The following CEP83 variants were observed in gnomAD, a reference collection of about 807,000 sequenced individuals.
CEP83 encodes the protein centrosomal protein 83.
Under a neutral mutation model 101.9 loss-of-function variants are expected in CEP83, and 70 were observed. The ratio of observed to expected loss-of-function variants is 0.69; its 90% CI spans 0.57 to 0.84. The LOEUF (loss-of-function observed/expected upper bound fraction) is 0.84. Ranked by LOEUF, CEP83 falls within the 40% of genes least tolerant of loss-of-function variation. The probability of loss-of-function intolerance (pLI) is 0.00; values close to 1 mark genes in which losing one functional copy is unlikely to be tolerated. For missense variants in CEP83, 715 were observed against 787.2 expected, an observed-to-expected ratio of 0.91 and a Z score of 1.10; for synonymous variants, 264 against 267.9, an observed-to-expected ratio of 0.99 and a Z score of 0.14.
intron 1 of CEP83, among the ~76,000 whole-genome samples, chr12:94,448,062 A>C (rs1408326797): frequency 6.6e-6 from 1 of 152,164 alleles, no homozygotes; most frequent in African/African-American, 2.4e-5. Context: ...GGCTGTCAAC[A>C]AGAGATAAAT....
chr12:94,425,991 A>AGTG (rs2065169116), intron 2 of CEP83, among the ~76,000 whole-genome samples: 1 of 151,944 alleles, frequency 6.6e-6, no homozygotes, highest in Admixed American at 6.6e-5. Context: ...GCGTGGTGAC[A>AGTG]GGCGCCTGTA....
chr12:94,424,357 A>G, intron 2 of CEP83: 1 of 1,614,006 alleles, frequency 6.2e-7, no homozygotes, highest in Non-Finnish European at 8.5e-7. Flanking sequence ...CTGGTACTCC[A>G]GGGGGTGTCT....
the CEP83 span, chr12:94,280,222 G>A: frequency 1.2e-5 from 2 of 171,310 alleles, no homozygotes; most frequent in Non-Finnish European, 2.5e-5. Context: ...GAGAGCATAT[G>A]CGTGAGCAAG....
the CEP83 span, chr12:94,300,819 G>A: frequency 1.6e-6 from 2 of 1,245,156 alleles, no homozygotes; most frequent in Non-Finnish European, 2.2e-6. Flanking sequence ...CAATAACAAG[G>A]ACAAAAACAC....
intron 11 of CEP83, among the ~76,000 whole-genome samples, chr12:94,355,574 T>C (rs143069709): frequency 2.2e-4 from 33 of 152,270 alleles, no homozygotes; most frequent in Non-Finnish European, 4.1e-4. Context: ...TACAGAAACT[T>C]ACAAAAAGAT....
At chr12:94,291,971 T>C in the CEP83 span, among the ~76,000 whole-genome samples, 1 of 152,198 alleles carries the variant, frequency 6.6e-6, no homozygotes, top group Non-Finnish European at 1.5e-5. Context: ...TTCATATCAA[T>C]AGGACCATAC....
At chr12:94,459,382 A>C (rs1232749476) in intron 1 of CEP83, among the ~76,000 whole-genome samples, 175 bp downstream of exon 1, 5 of 152,208 alleles carry the variant, frequency 3.3e-5, no homozygotes, top group Non-Finnish European at 4.4e-5. Flanking sequence ...GCCAGAGTGC[A>C]TCCAAAAGCT....
intron 6 of CEP83, among the ~76,000 whole-genome samples, chr12:94,391,884 G>A (rs1418668859): frequency 1.3e-5 from 2 of 150,994 alleles, no homozygotes; most frequent in Admixed American, 6.6e-5. Context: ...AGGAGACAAA[G>A]AAGGCCATGG....
At chr12:94,341,349 A>G (rs2059680354) in intron 11 of CEP83, among the ~76,000 whole-genome samples, 1 of 152,208 alleles carries the variant, frequency 6.6e-6, no homozygotes, top group Non-Finnish European at 1.5e-5. Flanking sequence ...TCTGCTTTGC[A>G]TGATTTATAC....
intron 2 of CEP83, among the ~76,000 whole-genome samples, chr12:94,413,859 C>A (rs1483860669): frequency 1.3e-5 from 2 of 151,014 alleles, no homozygotes; most frequent in Non-Finnish European, 3.0e-5. Context: ...CACACACACA[C>A]ACACACATAC....
chr12:94,424,002 G>A, intron 2 of CEP83: 1 of 1,613,208 alleles, frequency 6.2e-7, no homozygotes, highest in South Asian at 1.1e-5. Flanking sequence ...TCCATCCCTG[G>A]TGTCAGAACT....
At chr12:94,389,009 C>G (rs774715227) in intron 6 of CEP83, among the ~76,000 whole-genome samples, 3 of 152,088 alleles carry the variant, frequency 2.0e-5, no homozygotes, top group Non-Finnish European at 2.9e-5. Context: ...CACCTATACT[C>G]CCAGCTATTC....
intron 11 of CEP83, among the ~76,000 whole-genome samples, chr12:94,344,522 G>GATCA (rs1217208023): frequency 6.6e-6 from 1 of 151,892 alleles, no homozygotes; most frequent in Non-Finnish European, 1.5e-5. Flanking sequence ...CAGGATTCAA[G>GATCA]ATCAATACAT....
At chr12:94,293,387 C>T in the CEP83 span, among the ~76,000 whole-genome samples, 2 of 152,182 alleles carry the variant, frequency 1.3e-5, no homozygotes, top group Non-Finnish European at 2.9e-5. Flanking sequence ...AAACCCATTT[C>T]AGCATTTCTT....
chr12:94,353,707 T>C (rs1418165440), intron 11 of CEP83, among the ~76,000 whole-genome samples: 1 of 147,794 alleles, frequency 6.8e-6, no homozygotes, highest in Non-Finnish European at 1.5e-5. Flanking sequence ...CATAAAGACA[T>C]ACATAGTCTG....
At chr12:94,363,405 G>A (rs546251662) in intron 11 of CEP83, among the ~76,000 whole-genome samples, 17 of 152,258 alleles carry the variant, frequency 1.1e-4, no homozygotes, top group African/African-American at 4.1e-4. Context: ...TTAAAATGGT[G>A]CAGCCACTGA....
At chr12:94,419,121 G>A (rs999522942) in intron 2 of CEP83, among the ~76,000 whole-genome samples, 3 of 151,726 alleles carry the variant, frequency 2.0e-5, no homozygotes, top group African/African-American at 7.3e-5. Context: ...CAAATTTACA[G>A]AAAAATAATT....
chr12:94,398,405 C>A (rs1469837882), intron 6 of CEP83, among the ~76,000 whole-genome samples: 1 of 152,076 alleles, frequency 6.6e-6, no homozygotes, highest in African/African-American at 2.4e-5. Context: ...GGCAGAGGAA[C>A]ATAAATTATG....
chr12:94,364,432 AGT>A (rs1303380026), intron 11 of CEP83, among the ~76,000 whole-genome samples: 1 of 152,188 alleles, frequency 6.6e-6, no homozygotes, highest in Non-Finnish European at 1.5e-5. Flanking sequence ...ATAAGGACTG[AGT>A]ACCACAACCA....
Sources: allele counts gnomAD v4.1 joint callset (sites outside exome capture counted in the v4.1 genomes callset), GRCh38; gene constraint gnomAD v4.1.1; transcripts MANE v1.5; gene names NCBI Gene and HGNC (gene_info 2026-07-23, HGNC 2026-07-21).